Variants in WIZ observed in about 807,000 individuals in gnomAD.
The protein encoded by WIZ is protein Wiz.
WIZ carries 25 observed loss-of-function variants against 140.2 expected under a neutral mutation model. The observed-to-expected ratio is 0.18, with a 90% CI of 0.13 to 0.25. The LOEUF (loss-of-function observed/expected upper bound fraction) is 0.25, where lower values mean the gene tolerates loss of function less well. Ranked by LOEUF, WIZ falls within the 10% of genes least tolerant of loss-of-function variation. The probability of loss-of-function intolerance (pLI) is 1.00; values close to 1 mark genes in which losing one functional copy is unlikely to be tolerated. For synonymous variants in WIZ, 1,125 were observed against 1,154.3 expected (o/e 0.97, Z 0.51); for missense variants, 2,231 against 2,632.6 (o/e 0.85, Z 3.34).
Position 15,439,386 on chromosome 19 carries a change from C to G in WIZ, c.1608G>C (p.Trp536Cys). Residue 536 changes from tryptophan to cysteine, a missense_variant, in exon 4 of 13, where the codon TGG becomes TGC. Coordinates refer to ENST00000673675, the MANE Select transcript of WIZ (RefSeq NM_001371589.1). This position sits in a 1 kb window ranked among gnomAD's most constrained non-coding sequence, Gnocchi z 7.0. ...GGTCGTATCCAGCAGGGTTCTCCCG[C>G]CACATGGGGGCCAAGGACGGCTCAG... is the stretch of plus-strand genomic sequence containing the variant. ...GKAEPSLAPMWRENPAGYDPS... is the reference protein window; with the variant it reads ...GKAEPSLAPMCRENPAGYDPS... 1 of 1,529,816 alleles carries G rather than the reference C, an allele frequency of 6.5e-7. No homozygotes were observed. 94.8% of individuals were successfully genotyped at this position (1,529,816 alleles called of 1,614,324 possible).
In WIZ at chr19:15,425,331, G is replaced by T. The variant is rs754651859; in HGVS notation, c.4804C>A (p.Leu1602Ile). The T allele has an allele frequency of 3.2e-6, 5 of 1,569,930 alleles. No homozygotes were observed. The South Asian group carries it at 5.8e-5, about 18-fold the overall frequency. ...AAKRPLQEDR[L>I]LPAEVKAKTY... ...TTGGCCTTGACCTCTGCTGGGAGGA[G>T]GCGGTCCTCCTGCAGGGGCCGCTTG... is the stretch of plus-strand genomic sequence containing the variant. The change falls in exon 10 of 13, where the codon CTC (leucine) becomes ATC (isoleucine). Residue 1602 changes from leucine to isoleucine, a missense_variant. Physicochemically the swap from Leu to Ile is conservative, Grantham distance 5. Coordinates refer to ENST00000673675, the MANE Select transcript of WIZ (RefSeq NM_001371589.1).
chr19:15,428,257 A>G lies in WIZ; in HGVS notation c.3667T>C (p.Ser1223Pro), dbSNP rs1271293795. 1 of 1,529,452 alleles carries G rather than the reference A, an allele frequency of 6.5e-7. No homozygotes were observed. Among genetic ancestry groups the G allele is most frequent in the South Asian group, 1.2e-5 (1 of 83,448 alleles). The allele number at this position is 1,529,452 out of a possible 1,614,324, so 94.7% of individuals were successfully genotyped here. ...GRPPPTSAALSLLPPPPPAKK... is the reference protein window; with the variant it reads ...GRPPPTSAALPLLPPPPPAKK... Reference sequence around the variant, plus strand: ...GCCGGCGGTGGGGGGGGAAGCAAGGAGAGGGCCGCGGAGGTGGGAGGCGGC... The same window carrying G: ...GCCGGCGGTGGGGGGGGAAGCAAGGGGAGGGCCGCGGAGGTGGGAGGCGGC... The change falls in exon 8 of 13, where the codon TCC (serine) becomes CCC (proline). Residue 1223 changes from serine (S) to proline (P), a missense_variant. Physicochemically the swap from Ser to Pro is moderately conservative, Grantham distance 74 (BLOSUM62 -1). Coordinates refer to ENST00000673675, the MANE Select transcript of WIZ (RefSeq NM_001371589.1). This position sits in a 1 kb window ranked among gnomAD's most constrained non-coding sequence, Gnocchi z 6.4.
At chr19:15,431,290 G>C (rs756389360) in intron 5 of WIZ, 108 bp from the exon 6 acceptor site, 3 of 1,327,496 alleles carry the variant, frequency 2.3e-6, no homozygotes, top group Non-Finnish European at 3.0e-6. Context: ...CTCACTCTGC[G>C]AAGCGACTCA....
chr19:15,423,203 G>T lies in WIZ; in HGVS notation c.5543C>A (p.Ser1848Tyr). ...GTGCCGCACCCACTCTTCCTGGATGGAGAGGGGGCCCTGGAATTCCACCTC... is the reference window on the plus strand; with the variant it reads ...GTGCCGCACCCACTCTTCCTGGATGTAGAGGGGGCCCTGGAATTCCACCTC... ...FCEVEFQGPL[S>Y]IQEEWVRHLQ... is the part of the protein sequence containing the mutation. The change falls in exon 13 of 13, where the codon TCC (serine) becomes TAC (tyrosine). Residue 1848 changes from serine (S) to tyrosine (Y), a missense_variant. Transcript: ENST00000673675. The T allele has an allele frequency of 6.2e-7, 1 of 1,613,822 alleles. No homozygotes were observed. The highest frequency in any genetic ancestry group is 8.5e-7 in the Non-Finnish European group (1 of 1,179,940).
intron 5 of WIZ, 140 bp downstream of exon 5, chr19:15,436,666 G>T (rs1221594186): frequency 2.3e-6 from 2 of 863,138 alleles, no homozygotes; most frequent in East Asian, 3.2e-5. Context: ...TGGTTGTAAG[G>T]AAAGTCATCA....
At position 15,440,215 on chromosome 19, in the gene WIZ, T is replaced by A. The variant is rs747868936; in HGVS notation, c.779A>T (p.Glu260Val). ...SEWGLPTSAS[E>V]VATQTWTVNS... ...CACTGTCCAGGTCTGTGTGGCTACC[T>A]CCGAGGCTGACGTGGGTAGGCCCCA... The change falls in exon 4 of 13, where the codon GAG (glutamate) becomes GTG (valine). Residue 260 changes from glutamate to valine, a missense_variant. By Grantham distance (121) the Glu-to-Val change is moderately radical. Coordinates refer to ENST00000673675, the MANE Select transcript of WIZ (RefSeq NM_001371589.1). This position sits in a 1 kb window ranked among gnomAD's most constrained non-coding sequence, Gnocchi z 6.2. 2.0e-6 allele frequency: 3 copies of A among 1,518,882 alleles called. No homozygotes were observed. 94.1% of individuals were successfully genotyped at this position (1,518,882 alleles called of 1,614,324 possible). A position where few individuals can be genotyped will look rare whatever the true frequency, so the allele number is the denominator to read the frequency against.
chr19:15,422,855 A>T lies in WIZ; in HGVS notation c.*221T>A, dbSNP rs541647474. ...GCTGGACCAGGTGGGCATGGGCTGA[A>T]GGAAGACACCCTGTGGCCCCAGAGT... On this transcript the variant is annotated 3_prime_UTR_variant, in exon 13 of 13. Coordinates refer to ENST00000673675, the MANE Select transcript of WIZ (RefSeq NM_001371589.1). 1 of 627,880 alleles carries T rather than the reference A, an allele frequency of 1.6e-6. No individual in the cohort carries two copies. The highest frequency in any genetic ancestry group is 3.2e-5 in the Admixed American group (1 of 31,460). The allele number at this position is 627,880 out of a possible 1,614,324, so 38.9% of individuals were successfully genotyped here. A position where few individuals can be genotyped will look rare whatever the true frequency, so the allele number is the denominator to read the frequency against.
chr19:15,444,250 G>A (rs1185948028), intron 2 of WIZ, among the ~76,000 whole-genome samples: 2 of 152,206 alleles, frequency 1.3e-5, no homozygotes, highest in East Asian at 1.9e-4. Context: ...TAAAAGTGGA[G>A]GTAGGGTGGG....
chr19:15,427,972 A>G lies in WIZ; in HGVS notation c.3814+138T>C. 7.8e-7 allele frequency: 1 copy of G among 1,277,742 alleles called. No individual in the cohort carries two copies. The allele number at this position is 1,277,742 out of a possible 1,614,324, so 79.2% of individuals were successfully genotyped here. ...AGGGCCTAGCAGCCCACTGCCAACA[A>G]GATCTCTGGGCAGAACCGGCCCACT... On this transcript the variant is annotated intron_variant, in intron 8 of 12. Coordinates refer to ENST00000673675, the MANE Select transcript of WIZ (RefSeq NM_001371589.1). This position sits in a 1 kb window ranked among gnomAD's most constrained non-coding sequence, Gnocchi z 6.4.
chr19:15,440,247 CGGCTG>C lies in WIZ; in HGVS notation c.742_746del (p.Gln248ValfsTer43). 1 of 1,493,376 alleles carries C rather than the reference CGGCTG, an allele frequency of 6.7e-7. No individual in the cohort carries two copies. Among genetic ancestry groups the C allele is most frequent in the Non-Finnish European group, 8.9e-7 (1 of 1,125,638 alleles). The allele number at this position is 1,493,376 out of a possible 1,614,324, so 92.5% of individuals were successfully genotyped here. A position where few individuals can be genotyped will look rare whatever the true frequency, so the allele number is the denominator to read the frequency against. On this transcript the variant is annotated frameshift_variant, in exon 4 of 13. Transcript: ENST00000673675. LOFTEE classifies it high-confidence loss of function. The surrounding 1 kb of genome is among the most constrained non-coding windows in gnomAD (Gnocchi z 6.2). Reference sequence around the variant, plus strand: ...CTGACGTGGGTAGGCCCCACTCGGACGGCTGGGCCAGCCCCTCCAGGTCCTCCAGA... The same window carrying C: ...CTGACGTGGGTAGGCCCCACTCGGACGGCCAGCCCCTCCAGGTCCTCCAGA...
In WIZ at chr19:15,440,147, G is replaced by A; in HGVS notation, c.847C>T (p.Pro283Ser). Residue 283 changes from proline to serine, a missense_variant, in exon 4 of 13, where the codon CCG (proline) becomes TCG (serine). Physicochemically the swap from Pro to Ser is moderately conservative, Grantham distance 74 (BLOSUM62 -1). This residue lies in a region of WIZ where 307 missense variants were observed against 294.1 expected (regional missense o/e 1.04). Transcript: ENST00000673675. The surrounding 1 kb of genome is among the most constrained non-coding windows in gnomAD (Gnocchi z 6.2). ...SVERLQPLLP[P>S]IRTGPYLCEL... ...CACAGGTAGGGCCCGGTCCGGATCG[G>A]GGGCAGTAGCGGCTGCAGCCGCTCC... The A allele has an allele frequency of 6.5e-7, 1 of 1,532,878 alleles. No individual in the cohort carries two copies. Among genetic ancestry groups the A allele is most frequent in the African/African-American group, 1.4e-5 (1 of 73,024 alleles). The allele number at this position is 1,532,878 out of a possible 1,614,324, so 95.0% of individuals were successfully genotyped here.
At position 15,436,684 on chromosome 19, in the gene WIZ, T is replaced by C. The variant is rs1969525258; in HGVS notation, c.2740+122A>G. The C allele has an allele frequency of 1.5e-5, 16 of 1,051,502 alleles. No individual in the cohort carries two copies. The South Asian group carries it at 2.8e-4, about 18-fold the overall frequency. The allele number at this position is 1,051,502 out of a possible 1,614,324, so 65.1% of individuals were successfully genotyped here. A position where few individuals can be genotyped will look rare whatever the true frequency, so the allele number is the denominator to read the frequency against. On this transcript the variant is annotated intron_variant, in intron 5 of 12. Coordinates refer to ENST00000673675, the MANE Select transcript of WIZ (RefSeq NM_001371589.1). Reference sequence around the variant, plus strand: ...TTGTAAGGAAAGTCATCAACATACTTTGTAAAGTGACTCAAAATGCTTCCA... The same window carrying C: ...TTGTAAGGAAAGTCATCAACATACTCTGTAAAGTGACTCAAAATGCTTCCA...
intron 6 of WIZ, among the ~76,000 whole-genome samples, chr19:15,430,718 C>T (rs1375749747): frequency 6.8e-6 from 1 of 146,500 alleles, no homozygotes; most frequent in African/African-American, 2.6e-5. Context: ...GCACAGCTAG[C>T]AAAGGCCAGA....
In WIZ at chr19:15,438,852, G is replaced by A. The variant is rs1334360940; in HGVS notation, c.2142C>T (p.Ala714=). 16 of 1,475,812 alleles carry A rather than the reference G, an allele frequency of 1.1e-5. No individual in the cohort carries two copies. The highest frequency in any genetic ancestry group is 1.4e-5 in the Non-Finnish European group (16 of 1,112,380). 91.4% of individuals were successfully genotyped at this position (1,475,812 alleles called of 1,614,324 possible). A position where few individuals can be genotyped will look rare whatever the true frequency, so the allele number is the denominator to read the frequency against. ...CCAGGAGCAGGAAGTCCAGGGGGTG[G>A]GCGCCTGCCAGCCCCAGCTCCTCGG... The part of the protein sequence containing the change: ...LQPEELGLAG[A]HPLDFLLLDA... Residue 714 remains alanine (A), a synonymous_variant, in exon 4 of 13, where the codon GCC becomes GCT. Transcript: ENST00000673675.
chr19:15,422,124 A>C lies in WIZ; in HGVS notation c.*952T>G, dbSNP rs1968407530. On this transcript the variant is annotated 3_prime_UTR_variant, in exon 13 of 13. Coordinates refer to ENST00000673675, the MANE Select transcript of WIZ (RefSeq NM_001371589.1). ...CCAGAAGAGAAATTTAATCTAATTT[A>C]CATACTTCTAGGTACATCGATAACC... 6.6e-6 allele frequency: 1 copy of C among 152,264 alleles called. No individual in the cohort carries two copies. Among genetic ancestry groups the C allele is most frequent in the Non-Finnish European group, 1.5e-5 (1 of 68,044 alleles). 9.4% of individuals were successfully genotyped at this position (152,264 alleles called of 1,614,324 possible).
At chr19:15,447,447 T>G (rs543799697) in intron 2 of WIZ, among the ~76,000 whole-genome samples, 45 of 152,346 alleles carry the variant, frequency 3.0e-4, no homozygotes, top group Non-Finnish European at 5.9e-4. Flanking sequence ...TTTAGTTGCT[T>G]GTTGTCCATT....
intron 5 of WIZ, 37 bp downstream of exon 5, chr19:15,436,769 G>A: frequency 1.3e-6 from 2 of 1,512,142 alleles, no homozygotes; most frequent in Non-Finnish European, 8.8e-7. Flanking sequence ...CCCCTGGGAA[G>A]GATGGGGCTC....
Position 15,420,095 on chromosome 19 carries a change from C to T in WIZ, c.*2981G>A, listed in dbSNP as rs988352163. ...ACATACTGAAATACTAAGAAGTTAACTGATCTTATGGCCAGGATGTGCTTC... is the reference window on the plus strand; with the variant it reads ...ACATACTGAAATACTAAGAAGTTAATTGATCTTATGGCCAGGATGTGCTTC... On this transcript the variant is annotated 3_prime_UTR_variant, in exon 13 of 13. Coordinates refer to ENST00000673675, the MANE Select transcript of WIZ (RefSeq NM_001371589.1). The T allele has an allele frequency of 6.6e-6, 1 of 152,178 alleles. No individual in the cohort carries two copies. The highest frequency in any genetic ancestry group is 2.4e-5 in the African/African-American group (1 of 41,434). The allele number at this position is 152,178 out of a possible 1,614,324, so 9.4% of individuals were successfully genotyped here.
At position 15,440,373 on chromosome 19, in the gene WIZ, G is replaced by A. The variant is rs750776332; in HGVS notation, c.621C>T (p.Ala207=). ...TGAAGGGGGCGAGGGGTGGCGGCTGGGCAGGCAGGTCCAAGTGCAGCCCTG... is the reference window on the plus strand; with the variant it reads ...TGAAGGGGGCGAGGGGTGGCGGCTGAGCAGGCAGGTCCAAGTGCAGCCCTG... ...QDAGLHLDLP[A]QPPPLAPFRR... is the part of the protein sequence containing the mutation. The change falls in exon 4 of 13, where the codon GCC becomes GCT. Residue 207 remains alanine (A), a synonymous_variant. Coordinates refer to ENST00000673675, the MANE Select transcript of WIZ (RefSeq NM_001371589.1). The surrounding 1 kb of genome is among the most constrained non-coding windows in gnomAD (Gnocchi z 6.2). The A allele has an allele frequency of 6.5e-7, 1 of 1,531,928 alleles. No individual in the cohort carries two copies. Among genetic ancestry groups the A allele is most frequent in the South Asian group, 1.2e-5 (1 of 83,940 alleles). The allele number at this position is 1,531,928 out of a possible 1,614,324, so 94.9% of individuals were successfully genotyped here.
Sources: gnomAD v4.1 joint callset for allele counts (sites outside exome capture counted in the v4.1 genomes callset) on GRCh38, gnomAD v4.1.1 for gene constraint, gnomAD v4.1.1 regional missense constraint, Gnocchi (gnomAD v3.1) non-coding constraint, MANE v1.5 for transcripts, NCBI Gene and HGNC (gene_info 2026-07-23, HGNC 2026-07-21) for gene names.